COL6A6: variants seen among roughly 807,000 people sequenced by gnomAD.
COL6A6 encodes collagen type VI alpha 6 chain.
COL6A6 carries 183 observed loss-of-function variants against 208.6 expected under a neutral mutation model. That is an observed-to-expected ratio of 0.88 (90% CI 0.78 to 0.99). The LOEUF (loss-of-function observed/expected upper bound fraction) is 0.99, where lower values mean the gene tolerates loss of function less well. Ranked by LOEUF, COL6A6 falls within the 50% of genes least tolerant of loss-of-function variation. The probability of loss-of-function intolerance (pLI) is 0.00; values close to 1 mark genes in which losing one functional copy is unlikely to be tolerated. For missense variants in COL6A6, 2,816 were observed against 2,815.2 expected (o/e 1.00, Z -0.01); for synonymous variants, 973 against 1,011.8 (o/e 0.96, Z 0.73).
chr3:130,658,567 C>A, intron 33 of COL6A6, 109 bp from the exon 34 acceptor site: 1 of 719,300 alleles, frequency 1.4e-6, no homozygotes, highest in Non-Finnish European at 2.4e-6. Flanking sequence ...CCCGTACCTT[C>A]TTAGAAGGAG....
At chr3:130,672,861 T>C (rs1462540655) in intron 36 of COL6A6, among the ~76,000 whole-genome samples, 1 of 151,246 alleles carries the variant, frequency 6.6e-6, no homozygotes, top group Non-Finnish European at 1.5e-5. Context: ...ATACAAAAAT[T>C]AGCTGGGCGT....
intron 20 of COL6A6, 98 bp downstream of exon 20, chr3:130,599,908 G>T: frequency 9.0e-7 from 1 of 1,109,512 alleles, no homozygotes; most frequent in Non-Finnish European, 1.4e-6. Flanking sequence ...GGTTCTGCTG[G>T]AGCTCACTAC....
chr3:130,567,123 T>C lies in COL6A6; in HGVS notation c.1704T>C (p.Tyr568=), dbSNP rs1357885966. 4 of 1,613,896 alleles carry C rather than the reference T, an allele frequency of 2.5e-6. No individual in the cohort carries two copies. Among genetic ancestry groups the C allele is most frequent in the Non-Finnish European group, 3.4e-6 (4 of 1,179,902 alleles). The change falls in exon 5 of 37, where the codon TAT becomes TAC. Residue 568 remains tyrosine (Y), a synonymous_variant. Transcript: ENST00000358511. ...TGAGAGAAGAGCACATCCGAGTTTATGCTATCGGGATCAAGGAGGCCAACC... is the reference window on the plus strand; with the variant it reads ...TGAGAGAAGAGCACATCCGAGTTTACGCTATCGGGATCAAGGAGGCCAACC... The part of the protein sequence containing the change: ...NRLREEHIRV[Y]AIGIKEANQT...
intron 1 of COL6A6, among the ~76,000 whole-genome samples, chr3:130,551,475 A>C (rs896110952): frequency 3.0e-4 from 45 of 151,838 alleles, no homozygotes; most frequent in African/African-American, 1.0e-3. Context: ...TAGGAATCGG[A>C]GTTTTTTGTA....
intron 6 of COL6A6, among the ~76,000 whole-genome samples, chr3:130,568,999 A>T (rs940395256): frequency 6.6e-6 from 1 of 152,160 alleles, no homozygotes; most frequent in African/African-American, 2.4e-5. Flanking sequence ...CCTTAGGTGG[A>T]GTCTAGTTTG....
intron 33 of COL6A6, among the ~76,000 whole-genome samples, chr3:130,655,246 T>C (rs1322891480): frequency 6.6e-6 from 1 of 152,174 alleles, no homozygotes; most frequent in Admixed American, 6.5e-5. Flanking sequence ...GTGGCCACTG[T>C]AACTCTTATT....
chr3:130,589,267 TTAACTTC>T, intron 12 of COL6A6, 85 bp downstream of exon 12: 1 of 878,156 alleles, frequency 1.1e-6, no homozygotes, highest in Admixed American at 2.2e-5. Flanking sequence ...GGGGTGATTT[TTAACTTC>T]TAAATAGAGC....
intron 1 of COL6A6, among the ~76,000 whole-genome samples, chr3:130,532,368 C>T (rs2062117212): frequency 6.6e-6 from 1 of 152,134 alleles, no homozygotes; most frequent in Non-Finnish European, 1.5e-5. Flanking sequence ...ATTAATGTGC[C>T]CCTTTTCTGA....
rs1560007747 is a variant in COL6A6 at position 130,570,890 on chromosome 3, A to G, written c.2474A>G (p.Tyr825Cys). 1 of 1,614,014 alleles carries G rather than the reference A, an allele frequency of 6.2e-7. No homozygotes were observed. Among genetic ancestry groups the G allele is most frequent in the East Asian group, 2.2e-5 (1 of 44,892 alleles). Residue 825 changes from tyrosine (Y) to cysteine (C), a missense_variant, in exon 7 of 37, where the codon TAT (tyrosine) becomes TGT (cysteine). By Grantham distance (194) the Tyr-to-Cys change is radical. Transcript: ENST00000358511. ...TCTGGCAGTATTGACTATGATGAGT[A>G]TAATATCATGAAGGATTTTATGATT... ...DSSGSIDYDE[Y>C]NIMKDFMIGL...
At chr3:130,549,568 T>C (rs1000633460) in intron 1 of COL6A6, among the ~76,000 whole-genome samples, 4 of 152,220 alleles carry the variant, frequency 2.6e-5, no homozygotes, top group Non-Finnish European at 5.9e-5. Flanking sequence ...TGTTTTTTTT[T>C]GTATATCGTG....
At chr3:130,560,290 C>G in intron 1 of COL6A6, 44 bp from the exon 2 acceptor site, 2 of 1,279,024 alleles carry the variant, frequency 1.6e-6, no homozygotes, top group Non-Finnish European at 2.2e-6. Context: ...TCTTAATTCC[C>G]AAATAATATC....
At position 130,568,465 on chromosome 3, in the gene COL6A6, T is replaced by C. The variant is rs765204569; in HGVS notation, c.2262T>C (p.Ser754=). The C allele has an allele frequency of 1.2e-6, 2 of 1,613,942 alleles. No individual in the cohort carries two copies. Among genetic ancestry groups the C allele is most frequent in the South Asian group, 1.1e-5 (1 of 91,078 alleles). Residue 754 remains serine (S), a synonymous_variant, in exon 6 of 37, where the codon TCT becomes TCC. Transcript: ENST00000358511. The part of the protein sequence containing the change: ...VLRQEGVIIY[S]VGVFGSNVTQ... ...GGCAAGAAGGTGTAATCATCTATTC[T>C]GTGGGAGTGTTTGGCTCCAATGTCA...
At chr3:130,567,939 T>C in intron 5 of COL6A6, 108 bp from the exon 6 acceptor site, 1 of 727,468 alleles carries the variant, frequency 1.4e-6, no homozygotes, top group African/African-American at 1.8e-5. Context: ...TAATTATTAC[T>C]AAGTACACAT....
At chr3:130,586,796 C>A in intron 11 of COL6A6, 136 bp downstream of exon 11, 1 of 762,834 alleles carries the variant, frequency 1.3e-6, no homozygotes, top group Non-Finnish European at 2.0e-6. Flanking sequence ...TAGTGAACAG[C>A]CTAAGTAAGA....
chr3:130,533,755 G>A (rs2062160945), intron 1 of COL6A6, among the ~76,000 whole-genome samples: 1 of 152,118 alleles, frequency 6.6e-6, no homozygotes, highest in African/African-American at 2.4e-5. Context: ...TTACATGGAT[G>A]GTATTGTACT....
chr3:130,649,463 C>G lies in COL6A6; in HGVS notation c.5634C>G (p.Ala1878=), dbSNP rs2065567008. The change falls in exon 33 of 37, where the codon GCC becomes GCG. Residue 1878 remains alanine, a synonymous_variant. Transcript: ENST00000358511. ...TCAGCAGCGGTCAGTCCGCGGATGC[C>G]CACTCCATCACCACGGCTGCCATGG... ...TFFSSGQSAD[A]HSITTAAMEF... 1 of 1,611,922 alleles carries G rather than the reference C, an allele frequency of 6.2e-7. No homozygotes were observed. The highest frequency in any genetic ancestry group is 1.3e-5 in the African/African-American group (1 of 74,990).
chr3:130,653,559 C>T (rs2065704713), intron 33 of COL6A6, among the ~76,000 whole-genome samples: 1 of 152,092 alleles, frequency 6.6e-6, no homozygotes, highest in African/African-American at 2.4e-5. Flanking sequence ...GCTAAATGCC[C>T]CAAACCTCCC....
chr3:130,556,661 G>A (rs1237497201), intron 1 of COL6A6, among the ~76,000 whole-genome samples: 1 of 151,788 alleles, frequency 6.6e-6, no homozygotes, highest in African/African-American at 2.4e-5. Flanking sequence ...TTTTAGTATT[G>A]TAGTATCTAT....
intron 20 of COL6A6, among the ~76,000 whole-genome samples, chr3:130,603,260 G>A (rs1233152096): frequency 6.6e-6 from 1 of 152,224 alleles, no homozygotes; most frequent in Non-Finnish European, 1.5e-5. Context: ...ATTCTTTGCT[G>A]TGGGGGGCTA....
Sources: gnomAD v4.1 joint callset for allele counts (sites outside exome capture counted in the v4.1 genomes callset) on GRCh38, gnomAD v4.1.1 for gene constraint, MANE v1.5 for transcripts, NCBI Gene and HGNC (gene_info 2026-07-23, HGNC 2026-07-21) for gene names.